Variants in WDPCP observed in about 807,000 individuals in gnomAD.
WDPCP encodes the protein WD repeat-containing and planar cell polarity effector protein fritz homolog.
WDPCP carries 71 observed loss-of-function variants against 93.1 expected under a neutral mutation model. That is an observed-to-expected ratio of 0.76 (90% CI 0.63 to 0.93). The LOEUF (loss-of-function observed/expected upper bound fraction) is 0.93, where lower values mean the gene tolerates loss of function less well. WDPCP is among the 40% of genes least tolerant of loss of function. WDPCP has a pLI of 0.00. For missense variants in WDPCP, 844 were observed against 887.4 expected, an observed-to-expected ratio of 0.95 and a Z score of 0.62; for synonymous variants, 315 against 315.0, an observed-to-expected ratio of 1.00 and a Z score of 0.00.
chr2:63,589,092 C>T, upstream of WDPCP: 1 of 1,614,170 alleles, frequency 6.2e-7, no homozygotes, highest in Non-Finnish European at 8.5e-7. Flanking sequence ...CCCTCGCGCC[C>T]TTGAGTGGGG....
chr2:63,648,478 C>T (rs190084174), intron 3 of WDPCP, among the ~76,000 whole-genome samples: 5 of 152,106 alleles, frequency 3.3e-5, no homozygotes, highest in South Asian at 4.2e-4. Flanking sequence ...TAATTATTAC[C>T]ACCACAATCA....
At chr2:63,719,492 T>G (rs2103781152) in intron 2 of WDPCP, among the ~76,000 whole-genome samples, 1 of 152,242 alleles carries the variant, frequency 6.6e-6, no homozygotes. Context: ...AAATGGAGAA[T>G]AACTGGCAAA....
chr2:63,491,592 G>GT (rs1289867252), intron 2 of WDPCP, among the ~76,000 whole-genome samples: 8 of 152,168 alleles, frequency 5.3e-5, no homozygotes, highest in Non-Finnish European at 1.2e-4. Flanking sequence ...TCACCCATCA[G>GT]TATGTAGGCT....
chr2:63,743,164 G>A (rs1669749842), intron 2 of WDPCP, among the ~76,000 whole-genome samples: 1 of 152,056 alleles, frequency 6.6e-6, no homozygotes, highest in African/African-American at 2.4e-5. Context: ...CTCCTGAGCT[G>A]TTCTTCCTAC....
chr2:63,186,291 A>G (rs1214741365), intron 14 of WDPCP, among the ~76,000 whole-genome samples: 1 of 152,152 alleles, frequency 6.6e-6, no homozygotes, highest in East Asian at 1.9e-4. Flanking sequence ...GGGAAAGCCC[A>G]ATTTCAGAAC....
At position 63,227,193 on chromosome 2, in the gene WDPCP, T is replaced by C. The variant is rs1185543118; in HGVS notation, c.1915+32114A>G. 3.3e-5 allele frequency among the ~76,000 whole-genome samples: 5 copies of C among 151,992 alleles called. 1 individual carries two copies. Among genetic ancestry groups the C allele is most frequent in the Admixed American group, 3.3e-4 (5 of 15,218 alleles). On this transcript the variant is annotated intron_variant, in intron 14 of 17. Coordinates refer to ENST00000272321, the MANE Select transcript of WDPCP (RefSeq NM_015910.7). Reference sequence around the variant, plus strand: ...TCTATCTCATATTTTATTATAAATATAGCTTTAAAATGCCCACTGAATGAA... The same window carrying C: ...TCTATCTCATATTTTATTATAAATACAGCTTTAAAATGCCCACTGAATGAA...
chr2:63,458,310 T>C (rs1698779068), intron 6 of WDPCP, among the ~76,000 whole-genome samples: 1 of 151,072 alleles, frequency 6.6e-6, no homozygotes, highest in Non-Finnish European at 1.5e-5. Context: ...CATGATTTTA[T>C]ATCTAGAAAA....
At chr2:63,417,334 T>G (rs1695509028) in intron 9 of WDPCP, among the ~76,000 whole-genome samples, 2 of 152,206 alleles carry the variant, frequency 1.3e-5, no homozygotes, top group Admixed American at 1.3e-4. Flanking sequence ...TTTATGAAAT[T>G]TAACCCTGTA....
intron 1 of WDPCP, among the ~76,000 whole-genome samples, chr2:63,576,065 C>T (rs944242341): frequency 6.6e-6 from 1 of 152,162 alleles, no homozygotes; most frequent in Non-Finnish European, 1.5e-5. Flanking sequence ...CCCTCACACA[C>T]CACTCAACAC....
intron 1 of WDPCP, among the ~76,000 whole-genome samples, chr2:63,493,688 T>C (rs984101472): frequency 1.3e-5 from 2 of 151,994 alleles, no homozygotes; most frequent in African/African-American, 2.4e-5. Flanking sequence ...GGGAGAAGGC[T>C]AGTCTGCATT....
intron 12 of WDPCP, among the ~76,000 whole-genome samples, chr2:63,344,495 G>A (rs1689057187): frequency 6.6e-6 from 1 of 152,150 alleles, no homozygotes; most frequent in Admixed American, 6.6e-5. Flanking sequence ...CTGAGCCTGT[G>A]TCCAGCTCTG....
At chr2:63,829,741 T>C (rs1391273814), upstream of WDPCP, among the ~76,000 whole-genome samples, 1 of 152,156 alleles carries the variant, frequency 6.6e-6, no homozygotes, top group East Asian at 1.9e-4. Flanking sequence ...TTGTTGATAT[T>C]TGTATTATTT....
chr2:63,735,865 T>C (rs533021211), intron 2 of WDPCP, among the ~76,000 whole-genome samples: 3 of 152,366 alleles, frequency 2.0e-5, no homozygotes, highest in Non-Finnish European at 4.4e-5. Flanking sequence ...ATCAGGCACC[T>C]GTACCCAAAG....
At chr2:63,490,138 A>G (rs1700793205) in intron 2 of WDPCP, among the ~76,000 whole-genome samples, 1 of 151,772 alleles carries the variant, frequency 6.6e-6, no homozygotes, top group African/African-American at 2.4e-5. Flanking sequence ...ATGAAGAATA[A>G]CCCAGAATGA....
intron 14 of WDPCP, among the ~76,000 whole-genome samples, chr2:63,254,680 A>C (rs2104741315): frequency 6.6e-6 from 1 of 152,320 alleles, no homozygotes; most frequent in African/African-American, 2.4e-5. Flanking sequence ...AGTCAAGATT[A>C]ATGTAAAATT....
chr2:63,804,064 T>C (rs1288999682), intron 2 of WDPCP, among the ~76,000 whole-genome samples: 2 of 152,156 alleles, frequency 1.3e-5, no homozygotes, highest in Admixed American at 1.3e-4. Flanking sequence ...AGGTTCATCC[T>C]AGATGATACT....
chr2:63,607,814 G>A (rs1286918928), intron 3 of WDPCP, among the ~76,000 whole-genome samples: 2 of 142,122 alleles, frequency 1.4e-5, no homozygotes, highest in African/African-American at 2.7e-5. Context: ...GGCACAGAGC[G>A]AGACTCCGTC....
At chr2:63,514,098 A>C (rs1436294640) in intron 1 of WDPCP, among the ~76,000 whole-genome samples, 2 of 152,280 alleles carry the variant, frequency 1.3e-5, no homozygotes, top group East Asian at 3.9e-4. Flanking sequence ...AAGTATATGC[A>C]TGTTGTTTAT....
chr2:63,720,644 T>C (rs551131411), intron 2 of WDPCP, among the ~76,000 whole-genome samples: 2 of 152,250 alleles, frequency 1.3e-5, no homozygotes, highest in East Asian at 3.9e-4. Context: ...CATTGACCCC[T>C]AGGTTGAGGT....
Sources: gnomAD v4.1 joint callset for allele counts (sites outside exome capture counted in the v4.1 genomes callset) on GRCh38, gnomAD v4.1.1 for gene constraint, MANE v1.5 for transcripts, NCBI Gene and HGNC (gene_info 2026-07-23, HGNC 2026-07-21) for gene names.